Variants in IGF1R observed in about 807,000 individuals in gnomAD.
The protein encoded by IGF1R is insulin like growth factor 1 receptor.
A neutral mutation model predicts 144.6 loss-of-function variants in IGF1R; 44 were observed. That is an observed-to-expected ratio of 0.30 (90% CI 0.24 to 0.39). The LOEUF is 0.39. Ranked by LOEUF, IGF1R falls within the 10% of genes least tolerant of loss-of-function variation. The pLI is 1.00. For missense variants in IGF1R, 1,355 were observed against 1,833.7 expected (o/e 0.74, Z 4.77); for synonymous variants, 795 against 722.8 (o/e 1.10, Z -1.60).
chr15:98,815,522 G>T (rs1181305713), intron 2 of IGF1R, among the ~76,000 whole-genome samples: 1 of 152,200 alleles, frequency 6.6e-6, no homozygotes, highest in Non-Finnish European at 1.5e-5. Context: ...GAAAAGCTAT[G>T]GCATCCTATT....
At position 98,964,226 on chromosome 15, in the gene IGF1R, GAAA is replaced by G. The variant is rs530447246; in HGVS notation, c.*6791_*6793del. 2.2e-5 allele frequency: 5 copies of G among 226,496 alleles called. No individual in the cohort carries two copies. The highest frequency in any genetic ancestry group is 5.8e-5 in the Admixed American group (1 of 17,268). 14.0% of individuals were successfully genotyped at this position (226,496 alleles called of 1,614,324 possible). On this transcript the variant is annotated 3_prime_UTR_variant, in exon 21 of 21. Coordinates refer to ENST00000650285, the MANE Select transcript of IGF1R (RefSeq NM_000875.5). ...GTTAAAAAAAAATTTTTTTAAGTAA[GAAA>G]AAAAAAGGTAATAACATGGCCAATT...
chr15:98,670,716 A>G (rs2052866485), intron 1 of IGF1R, among the ~76,000 whole-genome samples: 1 of 152,178 alleles, frequency 6.6e-6, no homozygotes, highest in Non-Finnish European at 1.5e-5. Context: ...ATTTGACTAC[A>G]TTTGATTATG....
chr15:98,737,006 G>A (rs562016200), intron 2 of IGF1R, among the ~76,000 whole-genome samples: 17 of 152,218 alleles, frequency 1.1e-4, no homozygotes, highest in South Asian at 1.0e-3. Flanking sequence ...GCCAAGACTC[G>A]TAGAACTAAG....
At chr15:98,925,308 T>G (rs922823723) in intron 13 of IGF1R, among the ~76,000 whole-genome samples, 1 of 152,256 alleles carries the variant, frequency 6.6e-6, no homozygotes, top group Non-Finnish European at 1.5e-5. Context: ...TAGGCTGTTC[T>G]GTGTGATGAC....
intron 1 of IGF1R, among the ~76,000 whole-genome samples, chr15:98,655,982 C>T (rs1018457344): frequency 1.1e-4 from 16 of 152,202 alleles, no homozygotes; most frequent in Non-Finnish European, 1.2e-4. Flanking sequence ...TGCGAGCCAC[C>T]GCCCCCAGCC....
chr15:98,722,270 C>CA (rs2054263770), intron 2 of IGF1R, among the ~76,000 whole-genome samples: 1 of 152,174 alleles, frequency 6.6e-6, no homozygotes, highest in South Asian at 2.1e-4. Flanking sequence ...ATAGAGGCAA[C>CA]AAGTGCTAGG....
chr15:98,799,916 G>A (rs559003178), intron 2 of IGF1R, among the ~76,000 whole-genome samples: 19 of 152,330 alleles, frequency 1.2e-4, no homozygotes, highest in Non-Finnish European at 2.6e-4. Flanking sequence ...CAATTCACCG[G>A]AAGACTGCTC....
At chr15:98,939,674 C>T (rs8030050) in intron 18 of IGF1R, among the ~76,000 whole-genome samples, 19,200 of 152,228 alleles carry the variant, frequency 0.13, 1,551 homozygotes, top group East Asian at 0.34. Context: ...ACAATGTCTT[C>T]AGGAGATTTT....
At chr15:98,914,141 C>A (rs768765038) in intron 8 of IGF1R, among the ~76,000 whole-genome samples, 108 of 152,152 alleles carry the variant, frequency 7.1e-4, no homozygotes, top group Non-Finnish European at 1.2e-3. Context: ...GAGCACTCTC[C>A]GGGGCCTCTC....
At chr15:98,899,218 G>A (rs2014349465) in intron 4 of IGF1R, among the ~76,000 whole-genome samples, 1 of 152,166 alleles carries the variant, frequency 6.6e-6, no homozygotes. Context: ...TTTATATTTT[G>A]TTAATCAGCT....
chr15:98,870,507 G>A (rs1478140750), intron 2 of IGF1R, among the ~76,000 whole-genome samples: 2 of 152,192 alleles, frequency 1.3e-5, no homozygotes, highest in African/African-American at 2.4e-5. Context: ...GTGGAACAGC[G>A]TGTGTGAAGG....
intron 2 of IGF1R, among the ~76,000 whole-genome samples, chr15:98,718,084 C>G (rs1385846698): frequency 6.6e-6 from 1 of 152,212 alleles, no homozygotes; most frequent in Non-Finnish European, 1.5e-5. Flanking sequence ...AACACTGGCT[C>G]TCTGTCCTCC....
At chr15:98,843,113 T>G (rs2011204591) in intron 2 of IGF1R, among the ~76,000 whole-genome samples, 1 of 152,230 alleles carries the variant, frequency 6.6e-6, no homozygotes, top group South Asian at 2.1e-4. Flanking sequence ...TGTGTCCTTG[T>G]GTCATTTTGG....
intron 18 of IGF1R, among the ~76,000 whole-genome samples, chr15:98,942,037 A>G (rs768942375): frequency 2.6e-5 from 4 of 152,230 alleles, no homozygotes; most frequent in Non-Finnish European, 1.5e-5. Context: ...TGGGAGGATT[A>G]TGTTGAAAAA....
chr15:98,908,691 C>T lies in IGF1R; in HGVS notation c.1254C>T (p.Tyr418=), dbSNP rs1307950785. The change falls in exon 6 of 21, where the codon TAC becomes TAT. Residue 418 remains tyrosine (Y), a synonymous_variant. Transcript: ENST00000650285. Reference sequence around the variant, plus strand: ...TCGATTTCTGTGCTTCTAGGAATTACTCCTTCTACGTCCTCGACAACCAGA... The same window carrying T: ...TCGATTTCTGTGCTTCTAGGAATTATTCCTTCTACGTCCTCGACAACCAGA... The part of the protein sequence containing the change: ...ILGEEQLEGN[Y]SFYVLDNQNL... 1 of 1,613,754 alleles carries T rather than the reference C, an allele frequency of 6.2e-7. No homozygotes were observed. The highest frequency in any genetic ancestry group is 8.5e-7 in the Non-Finnish European group (1 of 1,179,748).
intron 2 of IGF1R, among the ~76,000 whole-genome samples, chr15:98,754,607 G>C (rs1004695237): frequency 3.3e-5 from 5 of 152,228 alleles, no homozygotes; most frequent in Admixed American, 3.3e-4. Context: ...AAGCAGCACA[G>C]CCATGGTTAG....
At chr15:98,797,432 C>T (rs143062111) in intron 2 of IGF1R, among the ~76,000 whole-genome samples, 20 of 152,318 alleles carry the variant, frequency 1.3e-4, no homozygotes, top group Middle Eastern at 6.8e-3. Flanking sequence ...TATGTGGTGA[C>T]AGATGTTGGG....
chr15:98,940,606 T>C (rs1468853351), intron 18 of IGF1R, among the ~76,000 whole-genome samples: 1 of 152,206 alleles, frequency 6.6e-6, no homozygotes, highest in Non-Finnish European at 1.5e-5. Context: ...GTTTTCATCA[T>C]GTTAGCCAGG....
At chr15:98,914,066 G>A (rs547345387) in intron 8 of IGF1R, among the ~76,000 whole-genome samples, 2 of 152,256 alleles carry the variant, frequency 1.3e-5, no homozygotes, top group East Asian at 1.9e-4. Context: ...TCTGGTGAGG[G>A]CCCACTCCCT....
Sources: allele counts gnomAD v4.1 joint callset (sites outside exome capture counted in the v4.1 genomes callset), GRCh38; gene constraint gnomAD v4.1.1; transcripts MANE v1.5; gene names NCBI Gene and HGNC (gene_info 2026-07-23, HGNC 2026-07-21).